Variants in MORC1 observed in about 807,000 individuals in gnomAD.
The protein encoded by MORC1 is MORC family CW-type zinc finger protein 1.
Under a neutral mutation model 134.9 loss-of-function variants are expected in MORC1, and 59 were observed. The ratio of observed to expected loss-of-function variants is 0.44; its 90% CI spans 0.35 to 0.54. MORC1 has a LOEUF of 0.54. Ranked by LOEUF, MORC1 falls within the 20% of genes least tolerant of loss-of-function variation. MORC1 has a pLI of 0.00. For synonymous variants in MORC1, 395 were observed against 391.7 expected (o/e 1.01, Z -0.10); for missense variants, 947 against 1,134.5 (o/e 0.83, Z 2.37).
intron 9 of MORC1, 40 bp downstream of exon 9, chr3:109,069,592 A>AT (rs1184762871): frequency 1.3e-6 from 2 of 1,517,154 alleles, no homozygotes; most frequent in African/African-American, 2.8e-5. Flanking sequence ...AATTTTATAA[A>AT]TAAAAACTCT....
chr3:109,062,256 C>T (rs1474833654), intron 10 of MORC1, among the ~76,000 whole-genome samples, 198 bp from the exon 11 acceptor site: 2 of 152,072 alleles, frequency 1.3e-5, no homozygotes, highest in Non-Finnish European at 2.9e-5. Context: ...TGACAATTTA[C>T]AGGACATAAA....
At chr3:108,996,450 C>G (rs1948230296) in intron 21 of MORC1, among the ~76,000 whole-genome samples, 1 of 152,074 alleles carries the variant, frequency 6.6e-6, no homozygotes, top group Non-Finnish European at 1.5e-5. Flanking sequence ...ATGCAGAGTC[C>G]CATACCAAAT....
In MORC1 at chr3:109,045,083, A is replaced by G. The variant is rs1199913416; in HGVS notation, c.1331-9615T>C. Among the ~76,000 whole-genome samples, 5 of 152,318 alleles carry G rather than the reference A, an allele frequency of 3.3e-5. No homozygotes were observed. In the South Asian group the frequency reaches 1.0e-3, roughly 32 times the overall value. ...ATCAAATTCAATAGTAAACTACCAC[A>G]GCAAAGCTTTGATGGTCTCCATCAA... On this transcript the variant is annotated intron_variant, in intron 14 of 27. Transcript: ENST00000232603.
intron 17 of MORC1, among the ~76,000 whole-genome samples, chr3:109,025,379 C>CTTTTTTTTTTTT (rs63701060): frequency 1.0e-4 from 11 of 105,100 alleles, no homozygotes; most frequent in East Asian, 3.0e-4. Flanking sequence ...TTTCTTTTTT[C>CTTTTTTTTTTTT]TTTTTTTTTT....
intron 14 of MORC1, among the ~76,000 whole-genome samples, chr3:109,040,467 AGAAAGAAAGAAAGAAAGAAAG>A: frequency 1.3e-5 from 2 of 149,770 alleles, no homozygotes; most frequent in African/African-American, 4.9e-5. Context: ...AAAGAAAGAA[AGAAAGAAAGAAAGAAAGAAAG>A]GAAAGAAAAG....
At chr3:109,033,585 G>A (rs6798835) in intron 15 of MORC1, among the ~76,000 whole-genome samples, 31,078 of 152,062 alleles carry the variant, frequency 0.2, 3,519 homozygotes, top group Middle Eastern at 0.33. Flanking sequence ...AAGGCAGAGA[G>A]AGTCAGTACA....
chr3:109,094,276 T>C (rs1377143570), intron 7 of MORC1, among the ~76,000 whole-genome samples: 1 of 152,208 alleles, frequency 6.6e-6, no homozygotes, highest in South Asian at 2.1e-4. Flanking sequence ...TCAAACAGGA[T>C]CATTAGAGTA....
chr3:109,009,207 G>GTTT (rs72433903), intron 17 of MORC1, among the ~76,000 whole-genome samples: 2 of 118,802 alleles, frequency 1.7e-5, no homozygotes, highest in African/African-American at 3.9e-5. Flanking sequence ...GTTTTTTGTT[G>GTTT]TTTTTTTTTT....
intron 24 of MORC1, among the ~76,000 whole-genome samples, chr3:108,977,889 T>G (rs73200680): frequency 0.2 from 30,959 of 152,078 alleles, 3,490 homozygotes; most frequent in Middle Eastern, 0.33. Context: ...ATAAGTGGCT[T>G]TTTTTTGAGA....
At chr3:109,050,453 C>T (rs888636482) in intron 14 of MORC1, among the ~76,000 whole-genome samples, 2 of 152,214 alleles carry the variant, frequency 1.3e-5, no homozygotes, top group Admixed American at 6.5e-5. Context: ...TCTCTTGGAC[C>T]TCCTTTATAA....
chr3:108,965,069 T>G (rs1017037748), intron 26 of MORC1, among the ~76,000 whole-genome samples: 1 of 151,904 alleles, frequency 6.6e-6, no homozygotes, highest in African/African-American at 2.4e-5. Flanking sequence ...GAAGGTGGAG[T>G]AGAAGGAATA....
intron 14 of MORC1, among the ~76,000 whole-genome samples, chr3:109,054,392 T>G (rs1413033235): frequency 6.6e-6 from 1 of 152,202 alleles, no homozygotes; most frequent in Non-Finnish European, 1.5e-5. Flanking sequence ...CATGGGACTA[T>G]GTGCTCTCAC....
chr3:109,110,540 T>C (rs1279997818), intron 3 of MORC1, among the ~76,000 whole-genome samples: 1 of 152,200 alleles, frequency 6.6e-6, no homozygotes, highest in African/African-American at 2.4e-5. Context: ...GAAGACCTAA[T>C]TTTGTAAATG....
intron 8 of MORC1, among the ~76,000 whole-genome samples, chr3:109,075,674 C>A (rs987100647): frequency 1.3e-5 from 2 of 152,096 alleles, no homozygotes; most frequent in Non-Finnish European, 2.9e-5. Flanking sequence ...GTTTTGGTAC[C>A]AGTACCATGC....
intron 14 of MORC1, among the ~76,000 whole-genome samples, chr3:109,039,585 G>A (rs1949462657): frequency 6.6e-6 from 1 of 152,114 alleles, no homozygotes; most frequent in African/African-American, 2.4e-5. Flanking sequence ...CAGGGGAAGG[G>A]ATGGATATTA....
At chr3:109,059,437 C>T (rs928182439) in intron 12 of MORC1, among the ~76,000 whole-genome samples, 1 of 152,154 alleles carries the variant, frequency 6.6e-6, no homozygotes, top group African/African-American at 2.4e-5. Context: ...AACCAACTCT[C>T]CAGAATTTAA....
rs12637331 is a variant in MORC1 at position 109,012,141 on chromosome 3, A to T, written c.1705-5050T>A. ...TGTATATGACAGGAGGTAAGAATCAATGTTTGTTATTTTGGGGGATATATG... is the reference window on the plus strand; with the variant it reads ...TGTATATGACAGGAGGTAAGAATCATTGTTTGTTATTTTGGGGGATATATG... On this transcript the variant is annotated intron_variant, in intron 17 of 27. Transcript: ENST00000232603. 1.5e-3 allele frequency among the ~76,000 whole-genome samples: 224 copies of T among 151,358 alleles called. 6 individuals are homozygous for T. In the East Asian group the frequency reaches 0.037, roughly 25 times the overall value.
intron 14 of MORC1, among the ~76,000 whole-genome samples, chr3:109,041,284 C>T (rs1949540374): frequency 6.6e-6 from 1 of 151,544 alleles, no homozygotes; most frequent in Non-Finnish European, 1.5e-5. Context: ...GCACTCCAGC[C>T]TGGGCGACAG....
At chr3:109,016,788 C>T (rs1948825285) in intron 17 of MORC1, among the ~76,000 whole-genome samples, 1 of 152,142 alleles carries the variant, frequency 6.6e-6, no homozygotes, top group African/African-American at 2.4e-5. Flanking sequence ...CGCTTAAATC[C>T]TGGGAGGCGG....
Sources: gnomAD v4.1 joint callset for allele counts (sites outside exome capture counted in the v4.1 genomes callset) on GRCh38, gnomAD v4.1.1 for gene constraint, MANE v1.5 for transcripts, NCBI Gene and HGNC (gene_info 2026-07-23, HGNC 2026-07-21) for gene names.